TBC1D19: variants seen among roughly 807,000 people sequenced by gnomAD.
The protein encoded by TBC1D19 is TBC1 domain family, member 19.
Under a neutral mutation model 89.0 loss-of-function variants are expected in TBC1D19, and 60 were observed. That is an observed-to-expected ratio of 0.67 (90% CI 0.55 to 0.84). The LOEUF (loss-of-function observed/expected upper bound fraction) is 0.84, where lower values mean the gene tolerates loss of function less well. Among genes scored for constraint, TBC1D19 ranks in the 40% least tolerant of loss-of-function variants. The probability of loss-of-function intolerance (pLI) is 0.00; values close to 1 mark genes in which losing one functional copy is unlikely to be tolerated. For missense variants in TBC1D19, 500 were observed against 610.8 expected (o/e 0.82, Z 1.91); for synonymous variants, 189 against 199.7 (o/e 0.95, Z 0.45).
chr4:26,773,608 T>G, the TBC1D19 span, among the ~76,000 whole-genome samples: 1 of 152,202 alleles, frequency 6.6e-6, no homozygotes, highest in Non-Finnish European at 1.5e-5. Context: ...GGTTTTACAT[T>G]TAGGTCTTTA....
intron 11 of TBC1D19, among the ~76,000 whole-genome samples, chr4:26,675,400 A>T (rs1712715523): frequency 6.6e-6 from 1 of 152,146 alleles, no homozygotes; most frequent in South Asian, 2.1e-4. Context: ...TAAAAAGAAA[A>T]AAATTTTTAA....
the TBC1D19 span, among the ~76,000 whole-genome samples, chr4:26,771,173 T>C: frequency 6.6e-6 from 1 of 151,432 alleles, no homozygotes; most frequent in Non-Finnish European, 1.5e-5. Context: ...AAGGTGTCTA[T>C]TATAAAAAAA....
At chr4:26,731,862 A>G (rs1717680596) in intron 15 of TBC1D19, among the ~76,000 whole-genome samples, 1 of 152,206 alleles carries the variant, frequency 6.6e-6, no homozygotes, top group African/African-American at 2.4e-5. Context: ...GTCCGTAGGG[A>G]TGGGAAACCA....
At chr4:26,584,411 C>A in intron 1 of TBC1D19, 119 bp downstream of exon 1, 1 of 904,930 alleles carries the variant, frequency 1.1e-6, no homozygotes, top group South Asian at 1.6e-5. Context: ...CTCTGGTGCT[C>A]AAAAAACAAA....
chr4:26,853,123 C>A, the TBC1D19 span, among the ~76,000 whole-genome samples: 1 of 152,196 alleles, frequency 6.6e-6, no homozygotes, highest in Admixed American at 6.5e-5. Flanking sequence ...GAGGAAAAAG[C>A]TGTAAGAGCC....
chr4:26,638,962 C>A, intron 6 of TBC1D19, 128 bp downstream of exon 6: 1 of 785,962 alleles, frequency 1.3e-6, no homozygotes, highest in Non-Finnish European at 2.0e-6. Flanking sequence ...AATTTTCTAT[C>A]ATCTGGAAAA....
At chr4:26,749,821 C>T (rs1258345316) in intron 19 of TBC1D19, among the ~76,000 whole-genome samples, 2 of 152,014 alleles carry the variant, frequency 1.3e-5, no homozygotes, top group African/African-American at 2.4e-5. Flanking sequence ...TGGCAATTAC[C>T]CTGGTATAAT....
chr4:26,787,249 G>A, the TBC1D19 span, among the ~76,000 whole-genome samples: 4 of 151,984 alleles, frequency 2.6e-5, no homozygotes, highest in African/African-American at 7.2e-5. Context: ...CTACAGGCAC[G>A]TGCCTCCAAA....
At chr4:26,590,412 G>A (rs576508427) in intron 1 of TBC1D19, among the ~76,000 whole-genome samples, 13 of 152,198 alleles carry the variant, frequency 8.5e-5, no homozygotes, top group Admixed American at 7.8e-4. Flanking sequence ...TTCCTTCCTT[G>A]TAACCATCTT....
At chr4:26,814,156 A>G in the TBC1D19 span, among the ~76,000 whole-genome samples, 1 of 152,166 alleles carries the variant, frequency 6.6e-6, no homozygotes, top group Non-Finnish European at 1.5e-5. Context: ...TAACAGATAC[A>G]TTGGTAGACC....
At chr4:26,665,382 A>G (rs1403240880) in intron 8 of TBC1D19, among the ~76,000 whole-genome samples, 2 of 152,148 alleles carry the variant, frequency 1.3e-5, no homozygotes, top group Non-Finnish European at 2.9e-5. Flanking sequence ...ACAAGGAAGT[A>G]TGGGTTTAGC....
chr4:26,677,782 G>T (rs1336210210), intron 11 of TBC1D19, among the ~76,000 whole-genome samples: 1 of 152,100 alleles, frequency 6.6e-6, no homozygotes, highest in Non-Finnish European at 1.5e-5. Context: ...GTTTTATAAG[G>T]GGTTTCCCCC....
At chr4:26,827,068 T>C in the TBC1D19 span, among the ~76,000 whole-genome samples, 37 of 152,336 alleles carry the variant, frequency 2.4e-4, no homozygotes, top group African/African-American at 8.4e-4. Context: ...AGGAAACTAA[T>C]GATTAACTTT....
chr4:26,756,995 T>C (rs1719289968), downstream of TBC1D19, among the ~76,000 whole-genome samples: 1 of 145,384 alleles, frequency 6.9e-6, no homozygotes, highest in Admixed American at 7.1e-5. Flanking sequence ...GCACTGAGGG[T>C]CATCGGGCTG....
chr4:26,853,125 G>GT, the TBC1D19 span, among the ~76,000 whole-genome samples: 1 of 152,336 alleles, frequency 6.6e-6, no homozygotes, highest in South Asian at 2.1e-4. Flanking sequence ...GGAAAAAGCT[G>GT]TAAGAGCCCT....
the TBC1D19 span, among the ~76,000 whole-genome samples, chr4:26,787,811 G>A: frequency 3.3e-5 from 5 of 152,126 alleles, no homozygotes; most frequent in East Asian, 9.7e-4. Flanking sequence ...GAACTTGGAA[G>A]CTCCTGGCTT....
At chr4:26,645,695 A>G (rs1210620084) in intron 7 of TBC1D19, among the ~76,000 whole-genome samples, 7 of 152,250 alleles carry the variant, frequency 4.6e-5, no homozygotes, top group Admixed American at 3.9e-4. Context: ...CAGCAAAAGA[A>G]ACTACCATCA....
At chr4:26,842,348 T>C in the TBC1D19 span, among the ~76,000 whole-genome samples, 5 of 138,274 alleles carry the variant, frequency 3.6e-5, no homozygotes, top group African/African-American at 1.1e-4. Flanking sequence ...TTCTTTTTTT[T>C]TTTTTTTTTT....
At chr4:26,648,956 A>G (rs930537096) in intron 7 of TBC1D19, among the ~76,000 whole-genome samples, 1 of 152,066 alleles carries the variant, frequency 6.6e-6, no homozygotes, top group African/African-American at 2.4e-5. Context: ...AATATTTTAA[A>G]TAATTATTTC....
Sources: gnomAD v4.1 joint callset for allele counts (sites outside exome capture counted in the v4.1 genomes callset) on GRCh38, gnomAD v4.1.1 for gene constraint, MANE v1.5 for transcripts, NCBI Gene and HGNC (gene_info 2026-07-23, HGNC 2026-07-21) for gene names.